Variants in PAGE1 observed in about 807,000 individuals in gnomAD.
PAGE1 encodes the protein PAGE family member 1, also known as P antigen family member 1.
Under a neutral mutation model 11.5 loss-of-function variants are expected in PAGE1, and 6 were observed. The ratio of observed to expected loss-of-function variants is 0.52; its 90% CI spans 0.29 to 1.03. The LOEUF is 1.03. Among genes scored for constraint, PAGE1 ranks in the 50% least tolerant of loss-of-function variants. The pLI is 0.09. For synonymous variants in PAGE1, 42 were observed against 40.2 expected (o/e 1.05, Z -0.17); for missense variants, 120 against 110.2 (o/e 1.09, Z -0.40).
chrX:49,692,918 G>A (rs1420189001), intron 3 of PAGE1, among the ~76,000 whole-genome samples: 1 of 111,252 alleles, frequency 9.0e-6, no homozygotes, highest in Non-Finnish European at 1.9e-5. Context: ...ACTAAGCCCA[G>A]TTTGAGACCT....
At chrX:49,689,678 A>ATG (rs1179552336) in intron 4 of PAGE1, 135 bp from the exon 5 acceptor site, 1 of 80,588 alleles carries the variant, frequency 1.2e-5, no homozygotes, top group African/African-American at 6.3e-5. Context: ...ATATACATAT[A>ATG]TGTGTGTATA....
intron 5 of PAGE1, among the ~76,000 whole-genome samples, chrX:49,688,740 C>T (rs1291003195): frequency 1.8e-5 from 2 of 111,775 alleles, no homozygotes; most frequent in African/African-American, 6.5e-5. Flanking sequence ...AGAATCTCAC[C>T]AATGCTGTAA....
At chrX:49,691,109 T>G (rs2066918754) in intron 4 of PAGE1, 140 bp downstream of exon 4, 1 of 508,469 alleles carries the variant, frequency 2.0e-6, no homozygotes, top group African/African-American at 2.4e-5. Flanking sequence ...ACCCAGCAGG[T>G]GGATGTTGCA....
intron 1 of PAGE1, among the ~76,000 whole-genome samples, chrX:49,695,279 G>A (rs963996162): frequency 1.4e-4 from 16 of 112,354 alleles, no homozygotes; most frequent in African/African-American, 5.2e-4. Flanking sequence ...ACTTACTAGA[G>A]CCATTCACCC....
At chrX:49,689,158 T>C (rs1374416071) in intron 5 of PAGE1, among the ~76,000 whole-genome samples, 1 of 109,290 alleles carries the variant, frequency 9.1e-6, no homozygotes, top group African/African-American at 3.3e-5. Flanking sequence ...TTATGCAAAA[T>C]GGCAAAACCT....
At chrX:49,691,031 A>G (rs1054637323) in intron 4 of PAGE1, among the ~76,000 whole-genome samples, 1 of 111,496 alleles carries the variant, frequency 9.0e-6, no homozygotes, top group Non-Finnish European at 1.9e-5. Context: ...TACAAAAATT[A>G]GGTGCCTGTG....
At chrX:49,694,969 T>C (rs1372921744) in intron 1 of PAGE1, among the ~76,000 whole-genome samples, 191 bp from the exon 2 acceptor site, 1 of 112,212 alleles carries the variant, frequency 8.9e-6, no homozygotes, top group Non-Finnish European at 1.9e-5. Context: ...GCTGGCAGAG[T>C]AGTCATCTTA....
In PAGE1 at chrX:49,694,689, A is replaced by G; in HGVS notation, c.63+19T>C. The G allele has an allele frequency of 8.9e-7, 1 of 1,120,110 alleles. No homozygotes were observed. The highest frequency in any genetic ancestry group is 1.2e-6 in the Non-Finnish European group (1 of 823,414). The allele number at this position is 1,120,110 out of a possible 1,213,427, so 92.3% of individuals were successfully genotyped here. A position where few individuals can be genotyped will look rare whatever the true frequency, so the allele number is the denominator to read the frequency against. On this transcript the variant is annotated intron_variant, in intron 2 of 5. Coordinates refer to ENST00000376150, the MANE Select transcript of PAGE1 (RefSeq NM_003785.4). The stretch of plus-strand genomic sequence containing the variant: ...CATCGAATTAACGTTAAAGCACTCA[A>G]CAGCATAGGCCCAATTACCTCAGAA...
In PAGE1 at chrX:49,687,502, A is replaced by G. The variant is rs1479961519; in HGVS notation, c.*39T>C. On this transcript the variant is annotated 3_prime_UTR_variant, in exon 6 of 6. Transcript: ENST00000376150. ...GGAGAATTTTAATGGTCAAATTTCC[A>G]ACACAGGAGCAGCCTGAACCATTTC... The G allele has an allele frequency of 5.1e-6, 6 of 1,187,712 alleles. No individual in the cohort carries two copies. The highest frequency in any genetic ancestry group is 5.7e-6 in the Non-Finnish European group (5 of 875,676).
At position 49,694,862 on chromosome X, in the gene PAGE1, T is replaced by A. The variant is rs1557142671; in HGVS notation, c.-8-84A>T. On this transcript the variant is annotated intron_variant, in intron 1 of 5. Coordinates refer to ENST00000376150, the MANE Select transcript of PAGE1 (RefSeq NM_003785.4). The stretch of plus-strand genomic sequence containing the variant: ...ACTTCCATGGCTAAATGTTAACTTG[T>A]CATTTTAATTTTGAAAATACTCTCA... 10 of 512,954 alleles carry A rather than the reference T, an allele frequency of 1.9e-5. No homozygotes were observed. In the East Asian group the frequency reaches 3.6e-4, roughly 18 times the overall value. 42.3% of individuals were successfully genotyped at this position (512,954 alleles called of 1,213,427 possible).
intron 4 of PAGE1, among the ~76,000 whole-genome samples, chrX:49,690,870 A>C (rs1178882293): frequency 4.4e-5 from 4 of 90,793 alleles, no homozygotes; most frequent in Admixed American, 3.5e-4. Flanking sequence ...ACTAAAATAC[A>C]AAAAAAAAAA....
intron 4 of PAGE1, 152 bp from the exon 5 acceptor site, chrX:49,689,695 C>CATAT (rs2095296195): frequency 1.1e-4 from 7 of 61,806 alleles, no homozygotes; most frequent in African/African-American, 4.7e-4. Context: ...TATATATATA[C>CATAT]ACATATATAT....
intron 4 of PAGE1, among the ~76,000 whole-genome samples, chrX:49,690,820 T>C (rs1489022728): frequency 9.4e-6 from 1 of 106,361 alleles, no homozygotes; most frequent in Non-Finnish European, 1.9e-5. Context: ...AGGTCGGGAG[T>C]TCAAGACCAG....
chrX:49,694,185 TG>T lies in PAGE1; in HGVS notation c.79del (p.Gln27AsnfsTer66). 8.6e-7 allele frequency: 1 copy of T among 1,167,475 alleles called. No homozygotes were observed. Among genetic ancestry groups the T allele is most frequent in the Non-Finnish European group, 1.2e-6 (1 of 865,482 alleles). On this transcript the variant is annotated frameshift_variant, in exon 3 of 6. Coordinates refer to ENST00000376150, the MANE Select transcript of PAGE1 (RefSeq NM_003785.4). LOFTEE classifies it high-confidence loss of function. ...AGTTGGTGATTCCACTTCGTCAGGTTGCTCATCACTGGACTCCTTGTGGTAG... is the reference window on the plus strand; with the variant it reads ...AGTTGGTGATTCCACTTCGTCAGGTTCTCATCACTGGACTCCTTGTGGTAG... ...VESSEESSDE[Q>X]PDEVESPTQS... is the part of the protein sequence containing the mutation.
intron 4 of PAGE1, 86 bp from the exon 5 acceptor site, chrX:49,689,629 TA>T (rs1320531016): frequency 1.1e-5 from 1 of 91,371 alleles, no homozygotes; most frequent in Non-Finnish European, 1.6e-5. Context: ...CATATATATA[TA>T]CATATACATA....
intron 2 of PAGE1, 107 bp from the exon 3 acceptor site, chrX:49,694,308 T>C (rs1945024875): frequency 4.4e-6 from 2 of 450,831 alleles, no homozygotes; most frequent in East Asian, 3.9e-5. Flanking sequence ...TAGATGTTTC[T>C]GATCATAACT....
intron 3 of PAGE1, among the ~76,000 whole-genome samples, chrX:49,693,637 GAACT>G (rs2066928869): frequency 1.8e-5 from 2 of 111,187 alleles, no homozygotes; most frequent in African/African-American, 6.6e-5. Context: ...CAGCAATCAG[GAACT>G]CAGTTTTTGG....
intron 4 of PAGE1, among the ~76,000 whole-genome samples, chrX:49,690,070 C>T (rs868973763): frequency 1.7e-5 from 1 of 59,189 alleles, no homozygotes; most frequent in Admixed American, 2.0e-4. Flanking sequence ...TATATACACA[C>T]ATATATATGT....
intron 1 of PAGE1, 67 bp from the exon 2 acceptor site, chrX:49,694,845 G>T: frequency 1.8e-6 from 1 of 564,879 alleles, no homozygotes; most frequent in Non-Finnish European, 3.0e-6. Context: ...TCACTTCCAT[G>T]GCTAAATGTT....
Sources: gnomAD v4.1 joint callset for allele counts (sites outside exome capture counted in the v4.1 genomes callset) on GRCh38, gnomAD v4.1.1 for gene constraint, MANE v1.5 for transcripts, NCBI Gene and HGNC (gene_info 2026-07-23, HGNC 2026-07-21) for gene names.